Variants in NDRG3 observed in about 807,000 individuals in gnomAD.
The protein encoded by NDRG3 is NDRG family member 3.
In NDRG3, 23 loss-of-function variants were observed where a neutral mutation model predicts 57.2. That is an observed-to-expected ratio of 0.40 (90% CI 0.29 to 0.57). The LOEUF (loss-of-function observed/expected upper bound fraction) is 0.57. Among genes scored for constraint, NDRG3 ranks in the 20% least tolerant of loss-of-function variants. NDRG3 has a pLI of 0.42. For missense variants in NDRG3, 384 were observed against 457.3 expected, an observed-to-expected ratio of 0.84 and a Z score of 1.46; for synonymous variants, 132 against 162.6, an observed-to-expected ratio of 0.81 and a Z score of 1.43.
At chr20:36,720,553 C>T (rs1431877111) in intron 2 of NDRG3, among the ~76,000 whole-genome samples, 1 of 152,088 alleles carries the variant, frequency 6.6e-6, no homozygotes, top group African/African-American at 2.4e-5. Flanking sequence ...TTGTGTAGTT[C>T]TCTGACACTA....
intron 9 of NDRG3, 69 bp from the exon 10 acceptor site, chr20:36,666,461 C>T (rs778406845): frequency 5.0e-6 from 6 of 1,205,848 alleles, no homozygotes; most frequent in Admixed American, 1.8e-5. Flanking sequence ...GTTTGGTTTG[C>T]ATTTTCATTA....
At chr20:36,718,900 T>G (rs1335712460) in intron 2 of NDRG3, among the ~76,000 whole-genome samples, 2 of 152,100 alleles carry the variant, frequency 1.3e-5, no homozygotes, top group African/African-American at 2.4e-5. Flanking sequence ...AGGCTGGTCT[T>G]GAACTTCTGG....
At position 36,712,876 on chromosome 20, in the gene NDRG3, G is replaced by A. The variant is rs530845171; in HGVS notation, c.58-5869C>T. Among the ~76,000 whole-genome samples the A allele has an allele frequency of 6.5e-4, 98 of 151,802 alleles. 1 individual carries two copies. The highest frequency in any genetic ancestry group is 3.4e-3 in the Middle Eastern group (1 of 294). On this transcript the variant is annotated intron_variant, in intron 2 of 15. Transcript: ENST00000349004. ...CTCCCAAAGTGTTGAGATTACAGGC[G>A]TGAGCCACTGCACCTGCCCTGTTTC...
intron 2 of NDRG3, among the ~76,000 whole-genome samples, chr20:36,720,143 C>T (rs937479630): frequency 2.6e-5 from 4 of 151,540 alleles, no homozygotes; most frequent in South Asian, 2.1e-4. Context: ...GCACATTTAC[C>T]GAACAATAAG....
Position 36,653,856 on chromosome 20 carries a change from C to G in NDRG3, c.947-155G>C, listed in dbSNP as rs1978423166. Among the ~76,000 whole-genome samples, 1 of 152,200 alleles carries G rather than the reference C, an allele frequency of 6.6e-6. No homozygotes were observed. The highest frequency in any genetic ancestry group is 6.5e-5 in the Admixed American group (1 of 15,276). ...CCATCCCCATTTTGTATCATTTGCT[C>G]TAGGTGAGTGGCGATATGTGAGGCC... On this transcript the variant is annotated intron_variant, in intron 15 of 15. Transcript: ENST00000349004. This position sits in a 1 kb window ranked among gnomAD's most constrained non-coding sequence, Gnocchi z 4.2.
chr20:36,728,556 C>G (rs1985084841), intron 1 of NDRG3, among the ~76,000 whole-genome samples: 2 of 152,144 alleles, frequency 1.3e-5, no homozygotes, highest in Non-Finnish European at 2.9e-5. Context: ...GGGCATCTCC[C>G]TTGAACATCA....
intron 2 of NDRG3, among the ~76,000 whole-genome samples, chr20:36,712,746 C>G (rs1318537759): frequency 6.6e-6 from 1 of 151,068 alleles, no homozygotes; most frequent in Non-Finnish European, 1.5e-5. Context: ...CAGGCACACG[C>G]CACCATAACT....
At chr20:36,726,097 AT>A (rs1398258388) in intron 1 of NDRG3, among the ~76,000 whole-genome samples, 1 of 151,790 alleles carries the variant, frequency 6.6e-6, no homozygotes, top group East Asian at 1.9e-4. Flanking sequence ...CTTAAAAAAC[AT>A]TTTTTTTAGA....
intron 2 of NDRG3, among the ~76,000 whole-genome samples, chr20:36,714,016 A>C (rs1264125571): frequency 6.6e-6 from 1 of 152,220 alleles, no homozygotes; most frequent in Non-Finnish European, 1.5e-5. Context: ...AAGAAGAGTT[A>C]CATATGCTCA....
intron 10 of NDRG3, among the ~76,000 whole-genome samples, chr20:36,665,675 T>C (rs1442128963): frequency 6.6e-6 from 1 of 152,184 alleles, no homozygotes; most frequent in African/African-American, 2.4e-5. Context: ...CTCAGCTCAC[T>C]GCAACCTCCG....
At chr20:36,711,804 A>G (rs536735600) in intron 2 of NDRG3, among the ~76,000 whole-genome samples, 2 of 152,308 alleles carry the variant, frequency 1.3e-5, no homozygotes, top group South Asian at 4.1e-4. Context: ...TTTGAGACGG[A>G]GTCTCGCTTT....
At chr20:36,734,223 G>A (rs1402320800) in intron 1 of NDRG3, among the ~76,000 whole-genome samples, 1 of 151,984 alleles carries the variant, frequency 6.6e-6, no homozygotes, top group Non-Finnish European at 1.5e-5. Context: ...AAAAAAAGAG[G>A]TGACATGGAC....
intron 1 of NDRG3, among the ~76,000 whole-genome samples, chr20:36,738,273 G>C (rs928450312): frequency 6.6e-6 from 1 of 151,456 alleles, no homozygotes; most frequent in Admixed American, 6.6e-5. Flanking sequence ...TAGCACTTTC[G>C]GAGGCCAAGG....
At chr20:36,722,031 A>AT (rs1373355745) in intron 1 of NDRG3, among the ~76,000 whole-genome samples, 1 of 152,156 alleles carries the variant, frequency 6.6e-6, no homozygotes, top group Non-Finnish European at 1.5e-5. Context: ...GCTTTTAACC[A>AT]TTAGAATACG....
intron 8 of NDRG3, among the ~76,000 whole-genome samples, chr20:36,674,031 G>A (rs1382658332): frequency 6.6e-6 from 1 of 152,016 alleles, no homozygotes; most frequent in Non-Finnish European, 1.5e-5. Flanking sequence ...TTGAACCTGG[G>A]AGATAGAGGT....
rs1490797058 is a variant in NDRG3, at chr20:36,684,406, A to C, written c.383+7T>G. On this transcript the variant is annotated splice_region_variant and intron_variant, in intron 6 of 15. Coordinates refer to ENST00000349004, the MANE Select transcript of NDRG3 (RefSeq NM_032013.4). The stretch of plus-strand genomic sequence containing the variant: ...AAACTGCATGAAAGACTGCAGAATG[A>C]ACCTACCTTAGGTGGGTAAGAACAG... 5.0e-6 allele frequency: 8 copies of C among 1,611,472 alleles called. No individual in the cohort carries two copies. Among genetic ancestry groups the C allele is most frequent in the Admixed American group, 1.7e-5 (1 of 59,996 alleles).
intron 3 of NDRG3, among the ~76,000 whole-genome samples, chr20:36,693,220 A>ATATACG (rs1982485965): frequency 7.0e-6 from 1 of 142,360 alleles, no homozygotes; most frequent in South Asian, 2.2e-4. Flanking sequence ...ATATATATGT[A>ATATACG]TATACGTATA....
chr20:36,744,879 G>A (rs552288564), intron 1 of NDRG3, among the ~76,000 whole-genome samples: 1 of 148,384 alleles, frequency 6.7e-6, no homozygotes, highest in East Asian at 2.0e-4. Flanking sequence ...TCACCTCCAA[G>A]TCCAGCCCGC....
chr20:36,716,660 C>A (rs973725404), intron 2 of NDRG3, among the ~76,000 whole-genome samples: 5 of 152,168 alleles, frequency 3.3e-5, no homozygotes, highest in Non-Finnish European at 5.9e-5. Context: ...TCTTCAGAAG[C>A]CAAGTGTGGC....
Sources: gnomAD v4.1 joint callset for allele counts (sites outside exome capture counted in the v4.1 genomes callset) on GRCh38, gnomAD v4.1.1 for gene constraint, Gnocchi (gnomAD v3.1) non-coding constraint, MANE v1.5 for transcripts, NCBI Gene and HGNC (gene_info 2026-07-23, HGNC 2026-07-21) for gene names.